Variants in PGBD2 observed in about 807,000 individuals in gnomAD.
The protein encoded by PGBD2 is piggyBac transposable element derived 2.
A neutral mutation model predicts 8.1 loss-of-function variants in PGBD2; 6 were observed. That is an observed-to-expected ratio of 0.74 (90% confidence interval 0.40 to 1.46). PGBD2 has a LOEUF of 1.46. Among genes scored for constraint, PGBD2 ranks in the 40% most tolerant of loss-of-function variants. PGBD2 has a pLI of 0.02. For missense variants in PGBD2, 802 were observed against 739.0 expected, an observed-to-expected ratio of 1.09 and a Z score of -0.99; for synonymous variants, 318 against 272.2, an observed-to-expected ratio of 1.17 and a Z score of -1.66.
At chr1:248,929,519 T>C in the PGBD2 span, among the ~76,000 whole-genome samples, 1 of 152,170 alleles carries the variant, frequency 6.6e-6, no homozygotes, top group South Asian at 2.1e-4. Context: ...GAAAAAGAAG[T>C]AGGTGAGCAA....
At chr1:248,906,206 G>T (rs1024970756), upstream of PGBD2, 27 of 151,974 alleles carry the variant, frequency 1.8e-4, no homozygotes, top group African/African-American at 6.0e-4. Context: ...ATGGAAGGCC[G>T]GCCGAGGTGC....
At chr1:248,885,641 G>A in the PGBD2 span, among the ~76,000 whole-genome samples, 9 of 152,114 alleles carry the variant, frequency 5.9e-5, no homozygotes, top group East Asian at 1.7e-3. Flanking sequence ...GGGACCCCAG[G>A]AGAAACAGTG....
the PGBD2 span, among the ~76,000 whole-genome samples, chr1:248,888,818 G>A: frequency 3.3e-5 from 5 of 152,128 alleles, no homozygotes; most frequent in Admixed American, 2.6e-4. Flanking sequence ...TTGCCAAGGC[G>A]AATGTCCGGA....
chr1:248,894,785 C>T, the PGBD2 span, among the ~76,000 whole-genome samples: 1 of 137,220 alleles, frequency 7.3e-6, no homozygotes, highest in African/African-American at 2.6e-5. Flanking sequence ...CCTTCCTTTT[C>T]TCTCTCTCTC....
the PGBD2 span, among the ~76,000 whole-genome samples, chr1:248,879,483 C>G: frequency 6.6e-6 from 1 of 152,170 alleles, no homozygotes; most frequent in Non-Finnish European, 1.5e-5. Flanking sequence ...CAGCCTCAAC[C>G]TTCCGGGCTC....
chr1:248,888,452 G>A, the PGBD2 span, among the ~76,000 whole-genome samples: 1 of 152,310 alleles, frequency 6.6e-6, no homozygotes, highest in Non-Finnish European at 1.5e-5. Context: ...ACTGGTGTGA[G>A]ATGATATCTC....
At chr1:248,883,704 C>T in the PGBD2 span, among the ~76,000 whole-genome samples, 5,994 of 144,984 alleles carry the variant, frequency 0.041, 382 homozygotes, top group African/African-American at 0.15. Flanking sequence ...TCGAGTGATT[C>T]TCCTGCCTCA....
chr1:248,926,359 T>C, the PGBD2 span, among the ~76,000 whole-genome samples: 1 of 152,180 alleles, frequency 6.6e-6, no homozygotes, highest in African/African-American at 2.4e-5. Flanking sequence ...TTAAAACATA[T>C]TTGTCTTCAA....
intron 1 of PGBD2, among the ~76,000 whole-genome samples, chr1:248,908,808 T>C (rs1661758656): frequency 6.6e-6 from 1 of 152,042 alleles, no homozygotes; most frequent in African/African-American, 2.4e-5. Context: ...TACTCTGGCG[T>C]CACTGCTTTG....
chr1:248,909,153 T>C lies in PGBD2; in HGVS notation c.-48+2811T>C, dbSNP rs187110592. Among the ~76,000 whole-genome samples the C allele has an allele frequency of 2.4e-4, 37 of 152,250 alleles. 1 individual carries two copies. Among genetic ancestry groups the C allele is most frequent in the African/African-American group, 8.9e-4 (37 of 41,550 alleles). Reference sequence around the variant, plus strand: ...TTTGCTTGGTATGTAGGAGCACTGGTTACCCATGTCCTCTTCCTCTGTTGG... The same window carrying C: ...TTTGCTTGGTATGTAGGAGCACTGGCTACCCATGTCCTCTTCCTCTGTTGG... On this transcript the variant is annotated intron_variant, in intron 1 of 2. Coordinates refer to ENST00000329291, the MANE Select transcript of PGBD2 (RefSeq NM_170725.3).
the PGBD2 span, among the ~76,000 whole-genome samples, chr1:248,883,599 T>C: frequency 7.1e-6 from 1 of 141,090 alleles, no homozygotes; most frequent in Non-Finnish European, 1.5e-5. Flanking sequence ...TTTTTTTTTT[T>C]TTTTTTGAGA....
At chr1:248,880,621 A>G in the PGBD2 span, among the ~76,000 whole-genome samples, 1 of 152,216 alleles carries the variant, frequency 6.6e-6, no homozygotes. Context: ...TCTTGTCCAT[A>G]TGTGAAGTCT....
chr1:248,896,279 C>A, the PGBD2 span, among the ~76,000 whole-genome samples: 34 of 152,138 alleles, frequency 2.2e-4, no homozygotes, highest in Non-Finnish European at 4.7e-4. Flanking sequence ...TTTCCTGGGT[C>A]TTCAGCTTGC....
At chr1:248,882,026 C>T in the PGBD2 span, among the ~76,000 whole-genome samples, 11 of 152,192 alleles carry the variant, frequency 7.2e-5, no homozygotes, top group South Asian at 2.1e-3. Context: ...GTTTATTTAC[C>T]TCTGAGTCCT....
chr1:248,911,327 G>A (rs1374112387), intron 1 of PGBD2, among the ~76,000 whole-genome samples: 4 of 151,082 alleles, frequency 2.6e-5, no homozygotes, highest in Non-Finnish European at 5.9e-5. Flanking sequence ...CTCTTAACGA[G>A]CATCCTGCCT....
the PGBD2 span, among the ~76,000 whole-genome samples, chr1:248,890,147 A>G: frequency 6.6e-6 from 1 of 151,908 alleles, no homozygotes; most frequent in Non-Finnish European, 1.5e-5. Context: ...TGCTGGTCTC[A>G]AACTCCCGAC....
chr1:248,877,913 T>C, the PGBD2 span, among the ~76,000 whole-genome samples: 1 of 152,216 alleles, frequency 6.6e-6, no homozygotes, highest in South Asian at 2.1e-4. Flanking sequence ...TGAAGTACAC[T>C]TTCCATTAAT....
upstream of PGBD2, among the ~76,000 whole-genome samples, chr1:248,904,997 A>T (rs1040342632): frequency 3.9e-5 from 6 of 152,202 alleles, no homozygotes; most frequent in African/African-American, 1.4e-4. Flanking sequence ...ACACTCATTT[A>T]ACACTTGAAT....
the PGBD2 span, among the ~76,000 whole-genome samples, chr1:248,897,486 A>G: frequency 6.6e-6 from 1 of 152,124 alleles, no homozygotes; most frequent in South Asian, 2.1e-4. Flanking sequence ...TTCAAGTGCT[A>G]TTTCTTTACG....
Sources: gnomAD v4.1 joint callset for allele counts (sites outside exome capture counted in the v4.1 genomes callset) on GRCh38, gnomAD v4.1.1 for gene constraint, MANE v1.5 for transcripts, NCBI Gene and HGNC (gene_info 2026-07-23, HGNC 2026-07-21) for gene names.